Variants in HADH observed in about 807,000 individuals in gnomAD.
HADH encodes the protein hydroxyacyl-CoA dehydrogenase.
Under a neutral mutation model 32.2 loss-of-function variants are expected in HADH, and 24 were observed. The observed-to-expected ratio is 0.75, with a 90% confidence interval of 0.54 to 1.05. The LOEUF is 1.05. Among genes scored for constraint, HADH ranks in the 50% least tolerant of loss-of-function variants. The pLI, the probability that HADH is intolerant of heterozygous loss-of-function variation, is 0.00. For missense variants in HADH, 350 were observed against 397.1 expected, an observed-to-expected ratio of 0.88 and a Z score of 1.01; for synonymous variants, 139 against 152.5, an observed-to-expected ratio of 0.91 and a Z score of 0.65.
chr4:108,017,594 C>T (rs1419082221), intron 3 of HADH, among the ~76,000 whole-genome samples: 2 of 151,106 alleles, frequency 1.3e-5, no homozygotes, highest in Non-Finnish European at 2.9e-5. Context: ...CGCTCTGTCG[C>T]CCAGGCTGGA....
chr4:107,991,379 G>A (rs1404012075), intron 1 of HADH, among the ~76,000 whole-genome samples: 1 of 151,902 alleles, frequency 6.6e-6, no homozygotes, highest in Non-Finnish European at 1.5e-5. Flanking sequence ...ACGCTTTCAT[G>A]CTTGCTTTTT....
rs1736382550 is a variant in HADH at position 108,034,307 on chromosome 4, G to A, written c.895G>A (p.Glu299Lys). The part of the protein sequence containing the change: ...PSPSLNKLVA[E>K]NKFGKKTGEG... ...CCCATCCTTAAATAAGCTGGTAGCA[G>A]AGAACAAGTTCGGCAAGAAGACTGG... Residue 299 changes from glutamate to lysine, a missense_variant, in exon 8 of 8, where the codon GAG becomes AAG. Glu to Lys is a moderately conservative substitution (Grantham distance 56, BLOSUM62 1). Transcript: ENST00000309522. The A allele has an allele frequency of 6.2e-7, 1 of 1,613,602 alleles. No individual in the cohort carries two copies. Among genetic ancestry groups the A allele is most frequent in the Non-Finnish European group, 8.5e-7 (1 of 1,179,596 alleles).
intron 5 of HADH, chr4:108,026,266 C>G (rs558684568): frequency 1.3e-5 from 2 of 152,244 alleles, no homozygotes. Context: ...GTCTTGAACT[C>G]CTGACCTCAT....
chr4:107,992,192 C>A (rs1306525663), intron 1 of HADH, among the ~76,000 whole-genome samples: 1 of 151,942 alleles, frequency 6.6e-6, no homozygotes, highest in African/African-American at 2.4e-5. Context: ...CCTTTTGAAA[C>A]TTAAGGGAAA....
intron 1 of HADH, chr4:108,004,698 T>G: frequency 6.5e-7 from 1 of 1,528,444 alleles, no homozygotes; most frequent in Non-Finnish European, 8.8e-7. Flanking sequence ...TGAGGGATAA[T>G]TCTTTCAAGA....
chr4:108,032,311 G>C, intron 6 of HADH: 1 of 1,553,472 alleles, frequency 6.4e-7, no homozygotes, highest in Middle Eastern at 1.7e-4. Flanking sequence ...GATCCTTGTC[G>C]TAGTCTACTC....
At chr4:107,994,338 G>A (rs1382096184) in intron 1 of HADH, among the ~76,000 whole-genome samples, 2 of 152,044 alleles carry the variant, frequency 1.3e-5, no homozygotes, top group Non-Finnish European at 2.9e-5. Flanking sequence ...AGCCTGCTAC[G>A]TTGCAGGGAT....
At chr4:108,010,620 T>C (rs1735451259) in intron 2 of HADH, among the ~76,000 whole-genome samples, 1 of 152,212 alleles carries the variant, frequency 6.6e-6, no homozygotes, top group Non-Finnish European at 1.5e-5. Context: ...TCACTTCAAG[T>C]ATCCAAGGTG....
chr4:107,998,160 A>G (rs1406621958), intron 1 of HADH, among the ~76,000 whole-genome samples: 1 of 152,224 alleles, frequency 6.6e-6, no homozygotes, highest in East Asian at 1.9e-4. Flanking sequence ...AGTTCAGATT[A>G]CTATAACACA....
At chr4:108,027,934 C>T in intron 6 of HADH, 174 bp downstream of exon 6, 1 of 648,368 alleles carries the variant, frequency 1.5e-6, no homozygotes, top group South Asian at 1.7e-5. Context: ...TCACTGTTTT[C>T]CCAGGGCCTC....
chr4:108,025,673 G>A (rs1331235558), intron 5 of HADH: 1 of 152,130 alleles, frequency 6.6e-6, no homozygotes, highest in Non-Finnish European at 1.5e-5. Flanking sequence ...TGGATCACTT[G>A]AGCCCAGGAG....
intron 7 of HADH, 39 bp downstream of exon 7, chr4:108,033,331 G>T (rs1359928602): frequency 9.7e-7 from 1 of 1,032,638 alleles, no homozygotes; most frequent in Non-Finnish European, 1.5e-6. Context: ...AATTGAGGTA[G>T]TTTTTCTGAA....
intron 1 of HADH, among the ~76,000 whole-genome samples, chr4:108,008,138 G>A (rs558778288): frequency 6.6e-6 from 1 of 152,314 alleles, no homozygotes; most frequent in Non-Finnish European, 1.5e-5. Flanking sequence ...CCTTGGTTTG[G>A]ATTGATGAGG....
At chr4:108,020,361 T>G (rs1291773047) in intron 4 of HADH, among the ~76,000 whole-genome samples, 1 of 152,062 alleles carries the variant, frequency 6.6e-6, no homozygotes, top group Non-Finnish European at 1.5e-5. Context: ...TCTCCAGTAC[T>G]TGGAAGGCTG....
chr4:108,034,477 T>A lies in HADH; in HGVS notation c.*120T>A. 1.3e-6 allele frequency: 1 copy of A among 762,016 alleles called. No individual in the cohort carries two copies. Among genetic ancestry groups the A allele is most frequent in the Non-Finnish European group, 2.5e-6 (1 of 407,964 alleles). 47.2% of individuals were successfully genotyped at this position (762,016 alleles called of 1,614,324 possible). A position where few individuals can be genotyped will look rare whatever the true frequency, so the allele number is the denominator to read the frequency against. On this transcript the variant is annotated 3_prime_UTR_variant, in exon 8 of 8. Transcript: ENST00000309522. ...CTCACACAGTACAGTTTAATAAATGTGCATTTTGATTGTAATCTATCGAAG... is the reference window on the plus strand; with the variant it reads ...CTCACACAGTACAGTTTAATAAATGAGCATTTTGATTGTAATCTATCGAAG...
At position 108,034,240 on chromosome 4, in the gene HADH, G is replaced by A. The variant is rs982275655; in HGVS notation, c.828G>A (p.Gly276=). 8.2e-6 allele frequency: 13 copies of A among 1,584,380 alleles called. No homozygotes were observed. Among genetic ancestry groups the A allele is most frequent in the Non-Finnish European group, 1.1e-5 (13 of 1,152,908 alleles). ...AGTTCTCTTCCCTCCGCTCAATAGG[G>A]TGGCATGAAATGGATGCAGAGAACC... The part of the protein sequence containing the change: ...GLDTTKFIVD[G]WHEMDAENPL... Residue 276 remains glycine (G), a splice_region_variant and synonymous_variant, in exon 8 of 8, where the codon GGG becomes GGA. Coordinates refer to ENST00000309522, the MANE Select transcript of HADH (RefSeq NM_005327.7).
chr4:108,011,005 C>T (rs367706245), intron 2 of HADH, among the ~76,000 whole-genome samples: 7 of 152,228 alleles, frequency 4.6e-5, no homozygotes, highest in African/African-American at 1.2e-4. Context: ...CACGCCACCA[C>T]GTCCAGCTAA....
intron 2 of HADH, 44 bp downstream of exon 2, chr4:108,009,931 G>A (rs755161029): frequency 1.1e-5 from 16 of 1,396,206 alleles, no homozygotes; most frequent in South Asian, 5.8e-5. Context: ...TCCTCTGACT[G>A]CTTTACATTT....
intron 1 of HADH, among the ~76,000 whole-genome samples, chr4:107,992,939 A>C (rs1264043417): frequency 1.3e-5 from 2 of 151,980 alleles, no homozygotes; most frequent in South Asian, 2.1e-4. Context: ...ATATGGTGAA[A>C]CCCTGTCTCT....
Sources: allele counts gnomAD v4.1 joint callset (sites outside exome capture counted in the v4.1 genomes callset), GRCh38; gene constraint gnomAD v4.1.1; transcripts MANE v1.5; gene names NCBI Gene and HGNC (gene_info 2026-07-23, HGNC 2026-07-21).